Variants in PSPC1 observed in about 807,000 individuals in gnomAD.
The protein encoded by PSPC1 is paraspeckle protein 1.
A neutral mutation model predicts 51.6 loss-of-function variants in PSPC1; 14 were observed. That is an observed-to-expected ratio of 0.27 (90% confidence interval 0.18 to 0.42). The LOEUF (loss-of-function observed/expected upper bound fraction) is 0.42. Ranked by LOEUF, PSPC1 falls within the 10% of genes least tolerant of loss-of-function variation. The pLI is 1.00. For missense variants in PSPC1, 406 were observed against 701.1 expected, an observed-to-expected ratio of 0.58 and a Z score of 4.75; for synonymous variants, 193 against 231.9, an observed-to-expected ratio of 0.83 and a Z score of 1.53.
Position 19,742,280 on chromosome 13 carries a change from A to T in PSPC1, c.968-631T>A, listed in dbSNP as rs547917628. ...AATCTCAAAAAAAAAAAAAAAACAAACAAATAAATAAATAAAAATTCATCT... is the reference window on the plus strand; with the variant it reads ...AATCTCAAAAAAAAAAAAAAAACAATCAAATAAATAAATAAAAATTCATCT... On this transcript the variant is annotated intron_variant, in intron 4 of 8. Transcript: ENST00000338910. Among the ~76,000 whole-genome samples the T allele has an allele frequency of 3.7e-3, 564 of 151,682 alleles. 3 individuals carry two copies. The highest frequency in any genetic ancestry group is 8.1e-3 in the South Asian group (39 of 4,788).
intron 1 of PSPC1, among the ~76,000 whole-genome samples, chr13:19,773,953 T>G (rs142456514): frequency 2.0e-3 from 297 of 152,266 alleles, no homozygotes; most frequent in African/African-American, 6.8e-3. Flanking sequence ...CATCTTGCCC[T>G]AGCCAATGTC....
chr13:19,736,624 A>G (rs528427923), intron 5 of PSPC1, among the ~76,000 whole-genome samples: 1 of 152,284 alleles, frequency 6.6e-6, no homozygotes, highest in Non-Finnish European at 1.5e-5. Flanking sequence ...CAGAGCTTGC[A>G]GTGAGCCGAG....
intron 6 of PSPC1, among the ~76,000 whole-genome samples, chr13:19,719,212 G>A (rs1287891048): frequency 7.2e-5 from 11 of 151,938 alleles, no homozygotes; most frequent in South Asian, 2.1e-4. Context: ...CATGTGGCAC[G>A]GGGTAGACGG....
chr13:19,735,805 T>C (rs1427573151), intron 5 of PSPC1, among the ~76,000 whole-genome samples: 1 of 152,002 alleles, frequency 6.6e-6, no homozygotes, highest in Non-Finnish European at 1.5e-5. Context: ...CCTTTATACA[T>C]ACTGCAAAAC....
chr13:19,706,059 A>T (rs1880616061), intron 7 of PSPC1, among the ~76,000 whole-genome samples: 1 of 152,210 alleles, frequency 6.6e-6, no homozygotes, highest in Non-Finnish European at 1.5e-5. Flanking sequence ...GAAACTATCA[A>T]TCATTTTAGG....
intron 5 of PSPC1, among the ~76,000 whole-genome samples, chr13:19,737,663 G>C (rs1884992147): frequency 6.6e-6 from 1 of 152,030 alleles, no homozygotes; most frequent in Non-Finnish European, 1.5e-5. Flanking sequence ...TGTTTCTCAA[G>C]TTTTGCCCAC....
intron 6 of PSPC1, among the ~76,000 whole-genome samples, chr13:19,685,043 G>T (rs1285122931): frequency 6.6e-6 from 1 of 152,216 alleles, no homozygotes; most frequent in African/African-American, 2.4e-5. Flanking sequence ...CAAAGTTTGA[G>T]AAATTTAGAC....
chr13:19,765,144 T>C (rs959662187), intron 2 of PSPC1, among the ~76,000 whole-genome samples: 1 of 151,580 alleles, frequency 6.6e-6, no homozygotes, highest in Non-Finnish European at 1.5e-5. Context: ...ACAAACATGG[T>C]GAAACCCTGT....
At chr13:19,706,961 A>G (rs1880756401) in intron 7 of PSPC1, among the ~76,000 whole-genome samples, 1 of 152,314 alleles carries the variant, frequency 6.6e-6, no homozygotes, top group East Asian at 1.9e-4. Flanking sequence ...TCTTGCCGAT[A>G]AACAGACTTT....
chr13:19,715,603 A>G (rs558650915), intron 6 of PSPC1, among the ~76,000 whole-genome samples: 2 of 152,168 alleles, frequency 1.3e-5, no homozygotes, highest in Non-Finnish European at 2.9e-5. Flanking sequence ...ATTACTTAAA[A>G]TATTCTACTG....
intron 3 of PSPC1, among the ~76,000 whole-genome samples, chr13:19,754,142 T>A (rs1886837468): frequency 6.6e-6 from 1 of 152,120 alleles, no homozygotes; most frequent in African/African-American, 2.4e-5. Context: ...TGGAATGCAA[T>A]GGCGCCATCT....
At chr13:19,747,936 G>A (rs550691976) in intron 4 of PSPC1, among the ~76,000 whole-genome samples, 7 of 152,300 alleles carry the variant, frequency 4.6e-5, no homozygotes, top group African/African-American at 1.4e-4. Flanking sequence ...ATTGTAGGCC[G>A]GGTACAGTGG....
At chr13:19,684,220 T>C (rs185502351) in intron 6 of PSPC1, among the ~76,000 whole-genome samples, 3 of 152,186 alleles carry the variant, frequency 2.0e-5, no homozygotes, top group African/African-American at 7.2e-5. Flanking sequence ...TTCTCAAACA[T>C]AATAGAAAAA....
intron 1 of PSPC1, among the ~76,000 whole-genome samples, chr13:19,780,925 G>A (rs1448281365): frequency 3.3e-5 from 5 of 152,148 alleles, no homozygotes; most frequent in Non-Finnish European, 7.3e-5. Flanking sequence ...GGGAGGCCAA[G>A]GCGGGAGGAT....
At chr13:19,691,639 CG>C (rs1878561093) in intron 6 of PSPC1, among the ~76,000 whole-genome samples, 3 of 152,196 alleles carry the variant, frequency 2.0e-5, no homozygotes, top group African/African-American at 7.2e-5. Flanking sequence ...TTACAAAGGC[CG>C]GGCGTGGTGA....
downstream of PSPC1, chr13:19,672,059 T>A (rs1405375778): frequency 4.8e-6 from 3 of 620,540 alleles, no homozygotes; most frequent in African/African-American, 5.5e-5. Flanking sequence ...TATGCCGGAA[T>A]CTCAGTGCAG....
intron 5 of PSPC1, among the ~76,000 whole-genome samples, chr13:19,736,355 G>A (rs1016364588): frequency 6.6e-6 from 1 of 151,942 alleles, no homozygotes; most frequent in Non-Finnish European, 1.5e-5. Context: ...CCTGTATACT[G>A]AGATTACATA....
At chr13:19,760,559 C>T (rs1347893955) in intron 2 of PSPC1, among the ~76,000 whole-genome samples, 1 of 151,494 alleles carries the variant, frequency 6.6e-6, no homozygotes, top group South Asian at 2.1e-4. Context: ...AGCTGAAAAT[C>T]CGACCTAAAA....
chr13:19,750,413 C>T (rs1338606314), intron 4 of PSPC1, among the ~76,000 whole-genome samples: 40 of 150,920 alleles, frequency 2.7e-4, no homozygotes, highest in African/African-American at 9.5e-4. Flanking sequence ...GCCTGGGCAA[C>T]AGAGCAAGAC....
Sources: gnomAD v4.1 joint callset for allele counts (sites outside exome capture counted in the v4.1 genomes callset) on GRCh38, gnomAD v4.1.1 for gene constraint, MANE v1.5 for transcripts, NCBI Gene and HGNC (gene_info 2026-07-23, HGNC 2026-07-21) for gene names.